Variants in L3MBTL4 observed in about 807,000 individuals in gnomAD.
L3MBTL4 encodes the protein lethal(3)malignant brain tumor-like protein 4.
Under a neutral mutation model 84.5 loss-of-function variants are expected in L3MBTL4, and 70 were observed. That is an observed-to-expected ratio of 0.83 (90% confidence interval 0.68 to 1.01). The LOEUF is 1.01. L3MBTL4 is among the 50% of genes least tolerant of loss of function. L3MBTL4 has a pLI of 0.00. For missense variants in L3MBTL4, 715 were observed against 754.8 expected (o/e 0.95, Z 0.62); for synonymous variants, 274 against 259.8 (o/e 1.05, Z -0.52).
chr18:6,121,869 G>A lies in L3MBTL4; in HGVS notation c.1199+16325C>T, dbSNP rs2059540611. ...AACAACTGATTATCCAGATGTAGCA[G>A]GTTTGTGCGTCATTTAGGATCAATT... On this transcript the variant is annotated intron_variant, in intron 14 of 18. Coordinates refer to ENST00000317931, the MANE Select transcript of L3MBTL4 (RefSeq NM_001330559.2). 1.3e-5 allele frequency among the ~76,000 whole-genome samples: 2 copies of A among 152,110 alleles called. 1 individual carries two copies. The highest frequency in any genetic ancestry group is 4.2e-4 in the South Asian group (2 of 4,816).
chr18:6,305,792 C>T (rs890995180), intron 3 of L3MBTL4, among the ~76,000 whole-genome samples: 1 of 152,206 alleles, frequency 6.6e-6, no homozygotes, highest in African/African-American at 2.4e-5. Context: ...CCTGCTGGCA[C>T]TGGACGCATC....
intron 16 of L3MBTL4, among the ~76,000 whole-genome samples, chr18:5,985,118 C>T (rs750754029): frequency 1.4e-4 from 22 of 152,052 alleles, no homozygotes; most frequent in Non-Finnish European, 3.1e-4. Flanking sequence ...AAAGCTCTTA[C>T]CTACTCAAGG....
chr18:6,400,595 A>G (rs554322913), intron 1 of L3MBTL4, among the ~76,000 whole-genome samples: 1 of 152,260 alleles, frequency 6.6e-6, no homozygotes, highest in Admixed American at 6.5e-5. Flanking sequence ...TATTTTTAGT[A>G]GAGACAGGAT....
chr18:6,122,542 C>A (rs1186136963), intron 14 of L3MBTL4, among the ~76,000 whole-genome samples: 9 of 152,208 alleles, frequency 5.9e-5, no homozygotes, highest in Non-Finnish European at 1.0e-4. Flanking sequence ...CTGCCACCAT[C>A]CATGTAAGAC....
At chr18:6,260,041 A>G (rs528278831) in intron 5 of L3MBTL4, 1 of 152,302 alleles carries the variant, frequency 6.6e-6, no homozygotes, top group Non-Finnish European at 1.5e-5. Context: ...TTTATTGAAT[A>G]GGGAGTCCTT....
At chr18:6,083,391 G>C (rs912548591) in intron 15 of L3MBTL4, among the ~76,000 whole-genome samples, 1 of 152,142 alleles carries the variant, frequency 6.6e-6, no homozygotes, top group African/African-American at 2.4e-5. Flanking sequence ...ACCATGCAAC[G>C]AAAGGCAGCT....
At chr18:6,059,617 TA>T (rs147094059) in intron 16 of L3MBTL4, among the ~76,000 whole-genome samples, 43 of 150,608 alleles carry the variant, frequency 2.9e-4, no homozygotes, top group Middle Eastern at 3.4e-3. Flanking sequence ...AAAACCAAGC[TA>T]AAAAAAAAGC....
At chr18:6,398,096 T>C (rs2055350641) in intron 1 of L3MBTL4, 1 of 149,604 alleles carries the variant, frequency 6.7e-6, no homozygotes, top group African/African-American at 2.5e-5. Flanking sequence ...AATTAAAAGT[T>C]GGCAACTCTC....
intron 12 of L3MBTL4, among the ~76,000 whole-genome samples, chr18:6,180,762 T>C (rs548715338): frequency 6.6e-6 from 1 of 152,328 alleles, no homozygotes; most frequent in African/African-American, 2.4e-5. Context: ...GAGTCAAGAA[T>C]GAAGGTCAAA....
chr18:6,400,180 A>G (rs2055450241), intron 1 of L3MBTL4, among the ~76,000 whole-genome samples: 1 of 152,230 alleles, frequency 6.6e-6, no homozygotes, highest in Admixed American at 6.5e-5. Flanking sequence ...ATGTATCACA[A>G]ATTACACTAT....
At chr18:6,070,012 G>A (rs973941454) in intron 16 of L3MBTL4, among the ~76,000 whole-genome samples, 1 of 152,068 alleles carries the variant, frequency 6.6e-6, no homozygotes, top group Non-Finnish European at 1.5e-5. Flanking sequence ...AAATATCCAG[G>A]CTGAAGCATG....
At chr18:6,179,472 C>A (rs2044369585) in intron 12 of L3MBTL4, among the ~76,000 whole-genome samples, 1 of 152,180 alleles carries the variant, frequency 6.6e-6, no homozygotes, top group African/African-American at 2.4e-5. Flanking sequence ...ATGCCAGGCT[C>A]TGGGCTCTGT....
intron 16 of L3MBTL4, among the ~76,000 whole-genome samples, chr18:5,977,387 A>T (rs930176935): frequency 2.6e-5 from 4 of 152,088 alleles, no homozygotes; most frequent in African/African-American, 9.7e-5. Context: ...GAACTGAGTC[A>T]GCTCCCTCCC....
At chr18:6,185,991 T>C (rs1374927292) in intron 12 of L3MBTL4, among the ~76,000 whole-genome samples, 6 of 149,522 alleles carry the variant, frequency 4.0e-5, no homozygotes, top group African/African-American at 1.5e-4. Flanking sequence ...TTTATTTTAT[T>C]TTATTATTTT....
intron 4 of L3MBTL4, among the ~76,000 whole-genome samples, chr18:6,294,608 C>G (rs1476836306): frequency 6.6e-6 from 1 of 152,192 alleles, no homozygotes; most frequent in Non-Finnish European, 1.5e-5. Context: ...TGGCCACCAC[C>G]AGGCCCTCCC....
At chr18:5,994,659 T>C (rs986378415) in intron 16 of L3MBTL4, among the ~76,000 whole-genome samples, 1 of 152,122 alleles carries the variant, frequency 6.6e-6, no homozygotes, top group Non-Finnish European at 1.5e-5. Context: ...CTTGGAAAGA[T>C]AGGGACCAGA....
intron 3 of L3MBTL4, among the ~76,000 whole-genome samples, chr18:6,303,305 A>G (rs555019899): frequency 8.6e-5 from 13 of 151,990 alleles, no homozygotes; most frequent in Non-Finnish European, 1.5e-4. Flanking sequence ...ATTTTTAGTA[A>G]TGATGGGGTT....
intron 17 of L3MBTL4, among the ~76,000 whole-genome samples, chr18:5,964,035 T>C (rs572426): frequency 0.17 from 26,191 of 152,096 alleles, 2,787 homozygotes; most frequent in African/African-American, 0.3. Flanking sequence ...CTCTGGGCAG[T>C]GCCTGGTGGC....
intron 5 of L3MBTL4, among the ~76,000 whole-genome samples, chr18:6,248,110 A>G (rs1375551697): frequency 6.6e-6 from 1 of 152,070 alleles, no homozygotes; most frequent in Non-Finnish European, 1.5e-5. Context: ...TATGTCTAAG[A>G]CTAATCCCCC....
Sources: allele counts gnomAD v4.1 joint callset (sites outside exome capture counted in the v4.1 genomes callset), GRCh38; gene constraint gnomAD v4.1.1; transcripts MANE v1.5; gene names NCBI Gene and HGNC (gene_info 2026-07-23, HGNC 2026-07-21).